DNAI4: variants seen among roughly 807,000 people sequenced by gnomAD.
DNAI4 encodes WD repeat domain 78.
A neutral mutation model predicts 105.8 loss-of-function variants in DNAI4; 85 were observed. The observed-to-expected ratio is 0.80, with a 90% CI of 0.67 to 0.96. DNAI4 has a LOEUF of 0.96. Among genes scored for constraint, DNAI4 ranks in the 40% least tolerant of loss-of-function variants. The pLI is 0.00. For synonymous variants in DNAI4, 352 were observed against 331.5 expected, an observed-to-expected ratio of 1.06 and a Z score of -0.67; for missense variants, 1,014 against 1,005.6, an observed-to-expected ratio of 1.01 and a Z score of -0.11.
intron 16 of DNAI4, among the ~76,000 whole-genome samples, chr1:66,819,853 G>C (rs1244037807): frequency 1.3e-5 from 2 of 151,890 alleles, no homozygotes. Flanking sequence ...GAGTTTGTGG[G>C]CAAGTTCTTA....
intron 13 of DNAI4, among the ~76,000 whole-genome samples, chr1:66,832,900 G>A (rs1267008996): frequency 6.6e-6 from 1 of 152,132 alleles, no homozygotes; most frequent in East Asian, 1.9e-4. Flanking sequence ...TGGTAAACAT[G>A]AAATTAAGTA....
intron 4 of DNAI4, among the ~76,000 whole-genome samples, chr1:66,876,142 A>G (rs1228403900): frequency 6.6e-6 from 1 of 152,064 alleles, no homozygotes; most frequent in African/African-American, 2.4e-5. Context: ...TATTTATATA[A>G]GTAAATTTGA....
intron 2 of DNAI4, among the ~76,000 whole-genome samples, chr1:66,899,411 A>G (rs1222798991): frequency 6.6e-6 from 1 of 152,214 alleles, no homozygotes; most frequent in African/African-American, 2.4e-5. Context: ...AGAAATGAGC[A>G]TTCAGATTGT....
chr1:66,816,702 A>C (rs1645524437), intron 16 of DNAI4, among the ~76,000 whole-genome samples: 1 of 148,428 alleles, frequency 6.7e-6, no homozygotes. Context: ...ATTTGTTAAG[A>C]AAATTATTCT....
chr1:66,907,153 C>G (rs968670097), intron 1 of DNAI4: 1 of 152,166 alleles, frequency 6.6e-6, no homozygotes, highest in Non-Finnish European at 1.5e-5. Context: ...ATACTGCCTA[C>G]TACATGACTT....
At chr1:66,837,400 A>G (rs1475888430) in intron 10 of DNAI4, among the ~76,000 whole-genome samples, 1 of 150,380 alleles carries the variant, frequency 6.6e-6, no homozygotes, top group African/African-American at 2.4e-5. Flanking sequence ...TTTTCAAAGG[A>G]TTTTCATTTA....
chr1:66,861,346 AC>A (rs2100602583), intron 7 of DNAI4, among the ~76,000 whole-genome samples: 1 of 152,312 alleles, frequency 6.6e-6, no homozygotes, highest in Non-Finnish European at 1.5e-5. Flanking sequence ...GAGGACCATC[AC>A]CTAAATGCAG....
intron 5 of DNAI4, among the ~76,000 whole-genome samples, chr1:66,873,238 CTT>C (rs754563033): frequency 7.9e-5 from 11 of 139,512 alleles, no homozygotes; most frequent in East Asian, 2.1e-4. Flanking sequence ...CTTCTTCTTC[CTT>C]TTTTTTTTTT....
chr1:66,846,512 A>C (rs1216104426), intron 8 of DNAI4, among the ~76,000 whole-genome samples: 3 of 152,218 alleles, frequency 2.0e-5, no homozygotes, highest in Non-Finnish European at 4.4e-5. Context: ...TAAGGCAGGA[A>C]AATGTAGGTT....
intron 1 of DNAI4, among the ~76,000 whole-genome samples, chr1:66,915,159 G>C (rs998527199): frequency 6.6e-6 from 1 of 152,118 alleles, no homozygotes; most frequent in African/African-American, 2.4e-5. Context: ...CATTAATATT[G>C]GCTTAATGAA....
intron 13 of DNAI4, 90 bp downstream of exon 13, chr1:66,833,495 G>T (rs1645912342): frequency 1.4e-6 from 2 of 1,425,734 alleles, no homozygotes; most frequent in Admixed American, 2.2e-5. Flanking sequence ...TTCATTAACA[G>T]GCTAATATTT....
Position 66,890,762 on chromosome 1 carries a change from G to A in DNAI4, c.643+392C>T. On this transcript the variant is annotated intron_variant, in intron 4 of 16. Coordinates refer to ENST00000371026, the MANE Select transcript of DNAI4 (RefSeq NM_024763.5). The surrounding 1 kb of genome is among the most constrained non-coding windows in gnomAD (Gnocchi z 4.1). The stretch of plus-strand genomic sequence containing the variant: ...GGGGGAGAAGGAAGAGGAGGAGGAG[G>A]AAGAGGAAGAAGAGGAAGAGGAGGA... The A allele has an allele frequency of 3.8e-6, 1 of 260,714 alleles. No homozygotes were observed. Among genetic ancestry groups the A allele is most frequent in the South Asian group, 3.9e-5 (1 of 25,374 alleles). 16.2% of individuals were successfully genotyped at this position (260,714 alleles called of 1,614,324 possible). A position where few individuals can be genotyped will look rare whatever the true frequency, so the allele number is the denominator to read the frequency against.
chr1:66,862,587 A>G (rs1646651256), intron 6 of DNAI4, among the ~76,000 whole-genome samples: 1 of 152,206 alleles, frequency 6.6e-6, no homozygotes, highest in African/African-American at 2.4e-5. Context: ...ATTAAAAAAG[A>G]ATCTACTGTT....
intron 7 of DNAI4, among the ~76,000 whole-genome samples, chr1:66,848,760 A>G (rs909687639): frequency 6.6e-6 from 1 of 152,212 alleles, no homozygotes; most frequent in Non-Finnish European, 1.5e-5. Flanking sequence ...ACAGGCAAGA[A>G]AAAAATCCCC....
intron 8 of DNAI4, 144 bp from the exon 9 acceptor site, chr1:66,840,815 A>C: frequency 3.6e-6 from 3 of 827,162 alleles, no homozygotes; most frequent in Non-Finnish European, 5.6e-6. Flanking sequence ...GCAGGGCACC[A>C]TGAAGGGCAG....
intron 4 of DNAI4, among the ~76,000 whole-genome samples, chr1:66,884,854 A>G (rs1162265529): frequency 6.6e-6 from 1 of 152,216 alleles, no homozygotes; most frequent in African/African-American, 2.4e-5. Context: ...ACCAGAAGCC[A>G]TCAAAGTACC....
At chr1:66,829,685 G>A (rs535723834) in intron 13 of DNAI4, among the ~76,000 whole-genome samples, 1 of 152,126 alleles carries the variant, frequency 6.6e-6, no homozygotes, top group Non-Finnish European at 1.5e-5. Context: ...GCAAAGAGAA[G>A]TAATCTTGAA....
intron 4 of DNAI4, 115 bp from the exon 5 acceptor site, chr1:66,875,052 T>A (rs1419579986): frequency 3.0e-6 from 3 of 1,013,200 alleles, no homozygotes; most frequent in Non-Finnish European, 4.2e-6. Context: ...GTTTATATAG[T>A]CAAGGAACAG....
At chr1:66,893,053 A>AAGAAAGAAAGAG (rs1167732856) in intron 3 of DNAI4, among the ~76,000 whole-genome samples, 176 bp downstream of exon 3, 4 of 66,560 alleles carry the variant, frequency 6.0e-5, no homozygotes, top group African/African-American at 2.4e-4. Context: ...GAAAGAAAGA[A>AAGAAAGAAAGAG]AGAGAGAGAG....
Sources: gnomAD v4.1 joint callset for allele counts (sites outside exome capture counted in the v4.1 genomes callset) on GRCh38, gnomAD v4.1.1 for gene constraint, Gnocchi (gnomAD v3.1) non-coding constraint, MANE v1.5 for transcripts, NCBI Gene and HGNC (gene_info 2026-07-23, HGNC 2026-07-21) for gene names.